Variants in ZNF423 observed in about 807,000 individuals in gnomAD.
The protein encoded by ZNF423 is zinc finger protein 423.
In ZNF423, 12 loss-of-function variants were observed where a neutral mutation model predicts 95.8. The observed-to-expected ratio is 0.13, with a 90% confidence interval of 0.08 to 0.20. ZNF423 has a LOEUF of 0.20. Ranked by LOEUF, ZNF423 falls within the 10% of genes least tolerant of loss-of-function variation. The pLI, the probability that ZNF423 is intolerant of heterozygous loss-of-function variation, is 1.00. For synonymous variants in ZNF423, 749 were observed against 711.9 expected (o/e 1.05, Z -0.83); for missense variants, 1,316 against 1,737.1 (o/e 0.76, Z 4.31).
intron 7 of ZNF423, among the ~76,000 whole-genome samples, chr16:49,500,444 C>T (rs898185862): frequency 8.5e-5 from 13 of 152,302 alleles, no homozygotes; most frequent in East Asian, 7.7e-4. Context: ...ACCAGGCCCC[C>T]GTGGGACAGC....
intron 3 of ZNF423, among the ~76,000 whole-genome samples, chr16:49,694,935 T>C (rs1265921988): frequency 2.0e-5 from 3 of 152,188 alleles, no homozygotes; most frequent in African/African-American, 7.2e-5. Context: ...GCCTTACAAA[T>C]ACTTGTCCAC....
At chr16:49,514,258 A>ACACG (rs1555502906) in intron 7 of ZNF423, among the ~76,000 whole-genome samples, 76 of 144,794 alleles carry the variant, frequency 5.2e-4, no homozygotes, top group Non-Finnish European at 1.4e-4. Flanking sequence ...ACACACACAC[A>ACACG]CACATGCACA....
intron 5 of ZNF423, among the ~76,000 whole-genome samples, chr16:49,580,019 G>A (rs1212170205): frequency 1.3e-5 from 2 of 152,266 alleles, no homozygotes; most frequent in East Asian, 1.9e-4. Flanking sequence ...GGCCACCCAC[G>A]GGACCCTGAG....
At chr16:49,808,248 G>C (rs2034696713) in intron 1 of ZNF423, among the ~76,000 whole-genome samples, 1 of 151,956 alleles carries the variant, frequency 6.6e-6, no homozygotes, top group Non-Finnish European at 1.5e-5. Context: ...TTTTTGTAGA[G>C]ACAGGGTTTT....
rs542855704 is a variant in ZNF423 at position 49,636,545 on chromosome 16, A to G, written c.2631T>C (p.Pro877=). ...QGMLLKNPEA[P]NSHEASEDDV... is the part of the protein sequence containing the mutation. Reference sequence around the variant, plus strand: ...CATCCTCGCTGGCCTCATGGCTGTTAGGTGCCTCAGGGTTCTTAAGCAGCA... The same window carrying G: ...CATCCTCGCTGGCCTCATGGCTGTTGGGTGCCTCAGGGTTCTTAAGCAGCA... The change falls in exon 4 of 8, where the codon CCT becomes CCC. Residue 877 remains proline, a synonymous_variant. Transcript: ENST00000563137. This position sits in a 1 kb window ranked among gnomAD's most constrained non-coding sequence, Gnocchi z 8.6. 3 of 1,613,794 alleles carry G rather than the reference A, an allele frequency of 1.9e-6. No individual in the cohort carries two copies. In the South Asian group the frequency reaches 3.3e-5, roughly 18 times the overall value.
At chr16:49,615,442 C>T (rs928906305) in intron 5 of ZNF423, among the ~76,000 whole-genome samples, 1 of 152,018 alleles carries the variant, frequency 6.6e-6, no homozygotes, top group Non-Finnish European at 1.5e-5. Flanking sequence ...CAGGAGGGTT[C>T]TGGAGCCCCC....
intron 5 of ZNF423, among the ~76,000 whole-genome samples, chr16:49,607,871 G>C (rs1008125473): frequency 1.3e-5 from 2 of 152,166 alleles, no homozygotes; most frequent in Admixed American, 6.5e-5. Context: ...GCCCAGTCAG[G>C]AGAAGTGGTG....
At chr16:49,561,174 G>A (rs1219988502) in intron 5 of ZNF423, among the ~76,000 whole-genome samples, 3 of 152,168 alleles carry the variant, frequency 2.0e-5, no homozygotes, top group Admixed American at 6.5e-5. Context: ...CCAACTGTGC[G>A]TTTCTCTTCC....
chr16:49,746,102 T>C (rs1018049242), intron 2 of ZNF423, among the ~76,000 whole-genome samples: 3 of 152,168 alleles, frequency 2.0e-5, no homozygotes, highest in African/African-American at 4.8e-5. Flanking sequence ...GAGCCTCAGT[T>C]TCCCCACCTG....
chr16:49,562,828 G>T (rs1295016353), intron 5 of ZNF423, among the ~76,000 whole-genome samples: 1 of 152,084 alleles, frequency 6.6e-6, no homozygotes, highest in Admixed American at 6.6e-5. Flanking sequence ...CGTCAGGCTG[G>T]AGTGCAGTGG....
At chr16:49,664,143 G>C in intron 3 of ZNF423, 1 of 985,618 alleles carries the variant, frequency 1.0e-6, no homozygotes, top group Non-Finnish European at 1.2e-6. Flanking sequence ...ATGCCAAGAG[G>C]GCCAGAACCT....
At chr16:49,775,915 A>C (rs1373928812) in intron 2 of ZNF423, among the ~76,000 whole-genome samples, 1 of 152,234 alleles carries the variant, frequency 6.6e-6, no homozygotes, top group African/African-American at 2.4e-5. Flanking sequence ...CTTAACCTTC[A>C]GTGTAACCCT....
chr16:49,664,534 G>A (rs954295371), intron 3 of ZNF423, among the ~76,000 whole-genome samples: 1 of 152,194 alleles, frequency 6.6e-6, no homozygotes, highest in Non-Finnish European at 1.5e-5. Flanking sequence ...GCCTGGGGCC[G>A]GCGCCATGCC....
intron 5 of ZNF423, among the ~76,000 whole-genome samples, chr16:49,536,292 G>A (rs1283120478): frequency 2.0e-5 from 3 of 151,992 alleles, no homozygotes; most frequent in African/African-American, 7.3e-5. Flanking sequence ...CTGGGTCACT[G>A]GACACCACCC....
chr16:49,701,253 C>T (rs1186727606), intron 3 of ZNF423, among the ~76,000 whole-genome samples: 1 of 152,166 alleles, frequency 6.6e-6, no homozygotes, highest in African/African-American at 2.4e-5. Context: ...TGCGTGCATG[C>T]GCACGTGTGT....
intron 3 of ZNF423, among the ~76,000 whole-genome samples, chr16:49,724,147 G>A (rs780510794): frequency 5.3e-5 from 8 of 152,258 alleles, no homozygotes; most frequent in Middle Eastern, 3.4e-3. Flanking sequence ...TAAGAGTAAG[G>A]TCTCTTCTGT....
chr16:49,809,819 G>T (rs1323576890), intron 1 of ZNF423, among the ~76,000 whole-genome samples: 6 of 152,166 alleles, frequency 3.9e-5, no homozygotes, highest in Non-Finnish European at 8.8e-5. Flanking sequence ...ACACCAGGGG[G>T]TCTGGGGCTG....
intron 1 of ZNF423, chr16:49,853,720 A>G: frequency 1.0e-6 from 1 of 985,354 alleles, no homozygotes; most frequent in Non-Finnish European, 1.2e-6. Flanking sequence ...CTGAAGACCA[A>G]TTCTTGAGTC....
At chr16:49,615,825 T>G (rs947754916) in intron 5 of ZNF423, among the ~76,000 whole-genome samples, 1 of 152,204 alleles carries the variant, frequency 6.6e-6, no homozygotes, top group African/African-American at 2.4e-5. Flanking sequence ...GGAAAGGACG[T>G]GCTGAGCAGT....
Sources: allele counts gnomAD v4.1 joint callset (sites outside exome capture counted in the v4.1 genomes callset), GRCh38; gene constraint gnomAD v4.1.1; non-coding constraint Gnocchi (gnomAD v3.1); transcripts MANE v1.5; gene names NCBI Gene and HGNC (gene_info 2026-07-23, HGNC 2026-07-21).